The following EPB41L4B variants were observed in gnomAD, a reference collection of about 807,000 sequenced individuals.
The protein encoded by EPB41L4B is band 4.1-like protein 4B.
In EPB41L4B, 30 loss-of-function variants were observed where a neutral mutation model predicts 112.5. The ratio of observed to expected loss-of-function variants is 0.27; its 90% CI spans 0.20 to 0.36. EPB41L4B has a LOEUF of 0.36. Among genes scored for constraint, EPB41L4B ranks in the 10% least tolerant of loss-of-function variants. The pLI, the probability that EPB41L4B is intolerant of heterozygous loss-of-function variation, is 1.00. For synonymous variants in EPB41L4B, 408 were observed against 439.7 expected (o/e 0.93, Z 0.90); for missense variants, 1,024 against 1,133.3 (o/e 0.90, Z 1.38).
At chr9:109,236,453 T>C (rs1446121974) in intron 15 of EPB41L4B, among the ~76,000 whole-genome samples, 1 of 149,556 alleles carries the variant, frequency 6.7e-6, no homozygotes, top group East Asian at 2.0e-4. Context: ...CTACTGAGAG[T>C]TAAAATTGAG....
chr9:109,197,882 C>T (rs563723939), intron 20 of EPB41L4B, among the ~76,000 whole-genome samples: 16 of 151,518 alleles, frequency 1.1e-4, no homozygotes, highest in African/African-American at 3.6e-4. Flanking sequence ...CCTTTCCTTC[C>T]AGGTTATATA....
chr9:109,303,417 C>A (rs1032236451), intron 1 of EPB41L4B, among the ~76,000 whole-genome samples: 51 of 152,260 alleles, frequency 3.3e-4, no homozygotes, highest in African/African-American at 1.2e-3. Flanking sequence ...GCGATCTCGA[C>A]TCACTGCAAC....
At chr9:109,250,773 T>A (rs150853362) in intron 13 of EPB41L4B, among the ~76,000 whole-genome samples, 15 of 152,318 alleles carry the variant, frequency 9.8e-5, no homozygotes, top group African/African-American at 3.4e-4. Flanking sequence ...CCTGGACACC[T>A]GTGCCAGGGA....
chr9:109,182,110 G>A (rs1048926411), intron 24 of EPB41L4B, among the ~76,000 whole-genome samples: 7 of 152,068 alleles, frequency 4.6e-5, no homozygotes, highest in South Asian at 2.1e-4. Flanking sequence ...TCAGGAGGCC[G>A]ACGCAGGAGA....
Position 109,320,205 on chromosome 9 carries a change from G to A in EPB41L4B, c.242C>T (p.Ala81Val), listed in dbSNP as rs1364395999. Residue 81 changes from alanine (A) to valine (V), a missense_variant, in exon 1 of 26, where the codon GCC becomes GTC. Physicochemically the swap from Ala to Val is moderately conservative, Grantham distance 64. Transcript: ENST00000374566. ...GACGCGGCAGTAGAGGGTGGCCTTG[G>A]CGGCGCCGGCGGCGGAGATGTGCAC... Reference protein sequence around the residue: ...AAVHISAAGAAKATLYCRVFL... With the variant: ...AAVHISAAGAVKATLYCRVFL... 1 of 1,434,048 alleles carries A rather than the reference G, an allele frequency of 7.0e-7. No individual in the cohort carries two copies. Among genetic ancestry groups the A allele is most frequent in the East Asian group, 3.0e-5 (1 of 33,200 alleles). 88.8% of individuals were successfully genotyped at this position (1,434,048 alleles called of 1,614,324 possible). A position where few individuals can be genotyped will look rare whatever the true frequency, so the allele number is the denominator to read the frequency against.
At chr9:109,306,009 C>A (rs1000477090) in intron 1 of EPB41L4B, among the ~76,000 whole-genome samples, 3 of 152,054 alleles carry the variant, frequency 2.0e-5, no homozygotes, top group African/African-American at 7.2e-5. Flanking sequence ...TGGGGAGCTG[C>A]CAGAGAGCCA....
At chr9:109,287,098 T>C (rs1339735085) in intron 1 of EPB41L4B, among the ~76,000 whole-genome samples, 1 of 152,232 alleles carries the variant, frequency 6.6e-6, no homozygotes, top group Non-Finnish European at 1.5e-5. Flanking sequence ...TAAAATCATG[T>C]GTAAAATAAG....
chr9:109,243,826 T>C lies in EPB41L4B; in HGVS notation c.1345-144A>G, dbSNP rs1834441835. The C allele has an allele frequency of 5.3e-6, 4 of 754,786 alleles. No individual in the cohort carries two copies. In the South Asian group the frequency reaches 5.5e-5, roughly 10 times the overall value. The allele number at this position is 754,786 out of a possible 1,614,324, so 46.8% of individuals were successfully genotyped here. ...ATAGACCCTGGCTAGGGGGTGGATG[T>C]TTCCCAGGACGATCACGTTTCCCCC... is the stretch of plus-strand genomic sequence containing the variant. On this transcript the variant is annotated intron_variant, in intron 14 of 25. Coordinates refer to ENST00000374566, the MANE Select transcript of EPB41L4B (RefSeq NM_019114.5).
chr9:109,259,541 G>A (rs546390734), intron 6 of EPB41L4B, among the ~76,000 whole-genome samples: 3 of 152,274 alleles, frequency 2.0e-5, no homozygotes, highest in African/African-American at 7.2e-5. Context: ...GGCCGTGGAG[G>A]GTGGTGGAAA....
At chr9:109,189,198 T>C (rs1171703522) in intron 22 of EPB41L4B, among the ~76,000 whole-genome samples, 3 of 152,148 alleles carry the variant, frequency 2.0e-5, no homozygotes, top group Non-Finnish European at 4.4e-5. Context: ...CGAACTCTGA[T>C]ACAGAATCGG....
intron 13 of EPB41L4B, among the ~76,000 whole-genome samples, chr9:109,249,472 G>A (rs992375742): frequency 5.3e-5 from 8 of 151,514 alleles, no homozygotes; most frequent in Non-Finnish European, 1.2e-4. Context: ...GTTCCTAAAG[G>A]GTATATTTAT....
At chr9:109,198,907 C>T (rs1421165796) in intron 20 of EPB41L4B, among the ~76,000 whole-genome samples, 1 of 129,228 alleles carries the variant, frequency 7.7e-6, no homozygotes, top group Non-Finnish European at 1.6e-5. Flanking sequence ...GACAGAGTGA[C>T]AGAGCAAGGC....
chr9:109,232,891 G>A (rs1483644741), intron 15 of EPB41L4B, among the ~76,000 whole-genome samples: 1 of 152,180 alleles, frequency 6.6e-6, no homozygotes, highest in Non-Finnish European at 1.5e-5. Flanking sequence ...CTTCTATTAT[G>A]AACATCCTTA....
At position 109,204,666 on chromosome 9, in the gene EPB41L4B, C is replaced by G. The variant is rs191448368; in HGVS notation, c.1879-936G>C. ...ACCACAACACGCAGCTAATTTGTTT[C>G]ATATTTTTTTTGTAGAGACGAGGTT... On this transcript the variant is annotated intron_variant, in intron 18 of 25. Coordinates refer to ENST00000374566, the MANE Select transcript of EPB41L4B (RefSeq NM_019114.5). Among the ~76,000 whole-genome samples the G allele has an allele frequency of 1.7e-3, 257 of 152,024 alleles. 2 individuals are homozygous for G. The highest frequency in any genetic ancestry group is 5.8e-3 in the African/African-American group (241 of 41,470).
At chr9:109,208,124 C>G in intron 17 of EPB41L4B, 75 bp from the exon 18 acceptor site, 1 of 1,562,770 alleles carries the variant, frequency 6.4e-7, no homozygotes. Context: ...TCCCAATAAT[C>G]ATAACTGCAT....
At chr9:109,225,579 A>T (rs1175062937) in intron 15 of EPB41L4B, among the ~76,000 whole-genome samples, 1 of 152,206 alleles carries the variant, frequency 6.6e-6, no homozygotes, top group Non-Finnish European at 1.5e-5. Flanking sequence ...CGATTCAATT[A>T]TCTCCCACCA....
intron 22 of EPB41L4B, among the ~76,000 whole-genome samples, chr9:109,187,384 T>G (rs559909424): frequency 6.6e-6 from 1 of 152,282 alleles, no homozygotes; most frequent in Non-Finnish European, 1.5e-5. Context: ...GTTTTACTAT[T>G]CAAATTTGGG....
chr9:109,276,534 T>C (rs1835836595), intron 2 of EPB41L4B, among the ~76,000 whole-genome samples: 1 of 152,182 alleles, frequency 6.6e-6, no homozygotes, highest in Non-Finnish European at 1.5e-5. Context: ...TGGAGGCAGA[T>C]GAGGACCCTC....
At chr9:109,234,857 CA>C (rs754185740) in intron 15 of EPB41L4B, among the ~76,000 whole-genome samples, 2 of 152,178 alleles carry the variant, frequency 1.3e-5, no homozygotes, top group Non-Finnish European at 2.9e-5. Flanking sequence ...GACCGTGTCT[CA>C]AAAACAAACA....
Sources: gnomAD v4.1 joint callset for allele counts (sites outside exome capture counted in the v4.1 genomes callset) on GRCh38, gnomAD v4.1.1 for gene constraint, MANE v1.5 for transcripts, NCBI Gene and HGNC (gene_info 2026-07-23, HGNC 2026-07-21) for gene names.